PCDHGA1: variants seen among roughly 807,000 people sequenced by gnomAD.
The protein encoded by PCDHGA1 is protocadherin gamma-A1.
PCDHGA1 carries 32 observed loss-of-function variants against 58.0 expected under a neutral mutation model. That is an observed-to-expected ratio of 0.55 (90% CI 0.42 to 0.74). The LOEUF is 0.74. PCDHGA1 is among the 30% of genes least tolerant of loss of function. The pLI is 0.00. For synonymous variants in PCDHGA1, 498 were observed against 501.1 expected, an observed-to-expected ratio of 0.99 and a Z score of 0.08; for missense variants, 1,205 against 1,182.3, an observed-to-expected ratio of 1.02 and a Z score of -0.28.
intron 2 of PCDHGA1, among the ~76,000 whole-genome samples, chr5:141,499,283 G>T (rs1460838051): frequency 6.6e-6 from 1 of 152,066 alleles, no homozygotes; most frequent in Non-Finnish European, 1.5e-5. Context: ...TTCTCTGATG[G>T]CTCCACACTA....
At chr5:141,415,074 G>A (rs745950404) in intron 1 of PCDHGA1, 4 of 1,613,448 alleles carry the variant, frequency 2.5e-6, no homozygotes, top group East Asian at 2.2e-5. Flanking sequence ...TGCGCACGGC[G>A]CGAGCCCTGC....
At position 141,351,795 on chromosome 5, in the gene PCDHGA1, C is replaced by T. The variant is rs765923211; in HGVS notation, c.2421+18690C>T. 9 of 1,613,360 alleles carry T rather than the reference C, an allele frequency of 5.6e-6. 1 individual carries two copies. In the East Asian group the frequency reaches 6.7e-5, roughly 12 times the overall value. Reference sequence around the variant, plus strand: ...AGCCCGCAGAGCGGGGTGGTGTTCGCGCAGCGCGCCTTCGACCACGAGCAG... The same window carrying T: ...AGCCCGCAGAGCGGGGTGGTGTTCGTGCAGCGCGCCTTCGACCACGAGCAG... On this transcript the variant is annotated intron_variant, in intron 1 of 3. Coordinates refer to ENST00000517417, the MANE Select transcript of PCDHGA1 (RefSeq NM_018912.3).
chr5:141,486,421 G>A lies in PCDHGA1; in HGVS notation c.2422-8386G>A, dbSNP rs772631503. ...TGACTGCTGGACCCTTGGATCGAGA[G>A]GCCAAATCTAGCTATGACATCATGG... On this transcript the variant is annotated intron_variant, in intron 1 of 3. Coordinates refer to ENST00000517417, the MANE Select transcript of PCDHGA1 (RefSeq NM_018912.3). This position sits in a 1 kb window ranked among gnomAD's most constrained non-coding sequence, Gnocchi z 5.0. 2.5e-6 allele frequency: 4 copies of A among 1,614,152 alleles called. No homozygotes were observed. In the East Asian group the frequency reaches 6.7e-5, roughly 27 times the overall value.
At chr5:141,398,695 A>G (rs753760185) in intron 1 of PCDHGA1, 3 of 1,613,784 alleles carry the variant, frequency 1.9e-6, no homozygotes, top group Non-Finnish European at 2.5e-6. Flanking sequence ...GGATGGTAGT[A>G]AATACCCGGA....
At chr5:141,430,977 A>C (rs761722055) in intron 1 of PCDHGA1, 1 of 1,613,290 alleles carries the variant, frequency 6.2e-7, no homozygotes, top group South Asian at 1.1e-5. Context: ...GGTAGGACGC[A>C]GCTTTTCGCC....
Position 141,379,889 on chromosome 5 carries a change from C to CTTTTTTTTTTTTTTTTTTT in PCDHGA1, c.2421+46796_2421+46814dup, listed in dbSNP as rs70988800. ...CTTATTTTATGGTCTGTGAAAGCCT[C>CTTTTTTTTTTTTTTTTTTT]TTTTTTTTTTTTTTTTTTTTTTTTT... On this transcript the variant is annotated intron_variant, in intron 1 of 3. Transcript: ENST00000517417. Among the ~76,000 whole-genome samples, 178 of 50,830 alleles carry CTTTTTTTTTTTTTTTTTTT rather than the reference C, an allele frequency of 3.5e-3. 28 individuals are homozygous for CTTTTTTTTTTTTTTTTTTT. Among genetic ancestry groups the CTTTTTTTTTTTTTTTTTTT allele is most frequent in the Non-Finnish European group, 5.0e-3 (129 of 25,880 alleles). The allele number at this position is 50,830 out of a possible 152,430, so 33.3% of individuals were successfully genotyped here.
intron 1 of PCDHGA1, chr5:141,411,535 G>C (rs945278706): frequency 6.6e-6 from 1 of 152,274 alleles, no homozygotes; most frequent in Non-Finnish European, 1.5e-5. Context: ...AGTGAGCCCT[G>C]ATCTTGCCAC....
chr5:141,355,167 A>G lies in PCDHGA1; in HGVS notation c.2421+22062A>G, dbSNP rs755561054. On this transcript the variant is annotated intron_variant, in intron 1 of 3. Transcript: ENST00000517417. ...CTCCTCAGGCCTCGACAGAGGGAAA[A>G]CCGAAGCACAGGCGACTCCGCGGCG... The G allele has an allele frequency of 1.7e-5, 27 of 1,565,180 alleles. No individual in the cohort carries two copies. The Admixed American group carries it at 3.7e-4, about 22-fold the overall frequency.
chr5:141,409,407 A>G, intron 1 of PCDHGA1: 3 of 1,614,012 alleles, frequency 1.9e-6, no homozygotes, highest in Non-Finnish European at 2.5e-6. Flanking sequence ...AATAACTACT[A>G]CAAACTGGTG....
intron 1 of PCDHGA1, among the ~76,000 whole-genome samples, chr5:141,359,804 G>T (rs918422169): frequency 3.9e-5 from 6 of 151,996 alleles, no homozygotes; most frequent in African/African-American, 1.5e-4. Flanking sequence ...TTTGAATTTG[G>T]AACTATATGA....
rs771124496 is a variant in PCDHGA1, at chr5:141,489,457, C to A, written c.2422-5350C>A. The A allele has an allele frequency of 6.2e-7, 1 of 1,613,882 alleles. No homozygotes were observed. The highest frequency in any genetic ancestry group is 8.5e-7 in the Non-Finnish European group (1 of 1,179,984). ...GCAATTGGGCTCTGAGGAGAATGGG[C>A]GCTATTTTTCCCTGAGCTTGATGAG... On this transcript the variant is annotated intron_variant, in intron 1 of 3. Coordinates refer to ENST00000517417, the MANE Select transcript of PCDHGA1 (RefSeq NM_018912.3). This position sits in a 1 kb window ranked among gnomAD's most constrained non-coding sequence, Gnocchi z 4.5.
intron 1 of PCDHGA1, chr5:141,392,941 C>T (rs780347240): frequency 6.2e-7 from 1 of 1,613,940 alleles, no homozygotes. Context: ...GACAAAGGCT[C>T]CTTCGTGGGT....
rs553772792 is a variant in PCDHGA1, at chr5:141,444,542, G to A, written c.2422-50265G>A. ...AGGTGAGACAGTGACTGTGTCTAGT[G>A]AGCAAAAGGCACTTATTTGACACTT... On this transcript the variant is annotated intron_variant, in intron 1 of 3. Coordinates refer to ENST00000517417, the MANE Select transcript of PCDHGA1 (RefSeq NM_018912.3). 3.3e-5 allele frequency among the ~76,000 whole-genome samples: 5 copies of A among 152,156 alleles called. No individual in the cohort carries two copies. The East Asian group carries it at 7.7e-4, about 24-fold the overall frequency.
intron 1 of PCDHGA1, chr5:141,389,206 G>A: frequency 6.2e-7 from 1 of 1,614,014 alleles, no homozygotes; most frequent in Non-Finnish European, 8.5e-7. Context: ...CTGCACATTG[G>A]TGATGTAAAT....
intron 1 of PCDHGA1, among the ~76,000 whole-genome samples, chr5:141,337,637 T>C (rs759580313): frequency 2.6e-5 from 4 of 152,190 alleles, no homozygotes; most frequent in African/African-American, 4.8e-5. Context: ...AATGGGGAGT[T>C]GCTATTTAAT....
intron 3 of PCDHGA1, among the ~76,000 whole-genome samples, chr5:141,510,639 T>TATCA (rs998925545): frequency 1.4e-4 from 22 of 152,300 alleles, no homozygotes; most frequent in African/African-American, 4.6e-4. Context: ...TGGTTACCAT[T>TATCA]ATCATCCCCA....
chr5:141,357,273 C>CT (rs1760531497), intron 1 of PCDHGA1: 1 of 1,613,734 alleles, frequency 6.2e-7, no homozygotes, highest in South Asian at 1.1e-5. Flanking sequence ...GCCTCACACT[C>CT]TATCTCGTGG....
chr5:141,370,723 C>G, intron 1 of PCDHGA1: 1 of 1,613,808 alleles, frequency 6.2e-7, no homozygotes, highest in South Asian at 1.1e-5. Context: ...GAAATGGTTG[C>G]TGAAAAGCCT....
intron 1 of PCDHGA1, among the ~76,000 whole-genome samples, chr5:141,425,219 G>T (rs779272038): frequency 2.0e-5 from 3 of 152,148 alleles, no homozygotes; most frequent in Non-Finnish European, 2.9e-5. Context: ...ATTGTACTTT[G>T]ACTGGAATTA....
Sources: allele counts gnomAD v4.1 joint callset (sites outside exome capture counted in the v4.1 genomes callset), GRCh38; gene constraint gnomAD v4.1.1; non-coding constraint Gnocchi (gnomAD v3.1); transcripts MANE v1.5; gene names NCBI Gene and HGNC (gene_info 2026-07-23, HGNC 2026-07-21).